NRXN3: variants seen among roughly 807,000 people sequenced by gnomAD.
The protein encoded by NRXN3 is neurexin 3, also known as neurexin III.
A neutral mutation model predicts 137.6 loss-of-function variants in NRXN3; 32 were observed. The observed-to-expected ratio is 0.23, with a 90% CI of 0.18 to 0.31. The LOEUF (loss-of-function observed/expected upper bound fraction) is 0.31, where lower values mean the gene tolerates loss of function less well. Ranked by LOEUF, NRXN3 falls within the 10% of genes least tolerant of loss-of-function variation. The pLI is 1.00. For missense variants in NRXN3, 1,574 were observed against 2,062.5 expected (o/e 0.76, Z 4.59); for synonymous variants, 798 against 784.5 (o/e 1.02, Z -0.29).
At chr14:79,139,060 T>A (rs539292510) in intron 15 of NRXN3, among the ~76,000 whole-genome samples, 1 of 152,336 alleles carries the variant, frequency 6.6e-6, no homozygotes, top group South Asian at 2.1e-4. Context: ...TTCATACTTT[T>A]TCACCTTCAA....
At chr14:78,345,169 AGCTGTTATATTT>A (rs913297614) in intron 4 of NRXN3, among the ~76,000 whole-genome samples, 8 of 152,152 alleles carry the variant, frequency 5.3e-5, no homozygotes, top group Non-Finnish European at 1.0e-4. Flanking sequence ...CTTGGGGGGC[AGCTGTTATATTT>A]GCTGCTTAGG....
At chr14:79,360,918 A>G (rs12889273) in intron 15 of NRXN3, among the ~76,000 whole-genome samples, 59,600 of 152,080 alleles carry the variant, frequency 0.39, 12,747 homozygotes, top group Admixed American at 0.5. Flanking sequence ...TAGTTGCTCA[A>G]TAAATGGTAG....
intron 16 of NRXN3, among the ~76,000 whole-genome samples, chr14:79,505,273 A>C (rs2096867320): frequency 6.6e-6 from 1 of 151,716 alleles, no homozygotes; most frequent in African/African-American, 2.4e-5. Context: ...GTTACAGTAG[A>C]CCCCAAACAT....
At chr14:79,634,758 C>T (rs1258837538) in intron 16 of NRXN3, among the ~76,000 whole-genome samples, 1 of 152,184 alleles carries the variant, frequency 6.6e-6, no homozygotes, top group Non-Finnish European at 1.5e-5. Context: ...CCAAACTTAA[C>T]AGCACCAATT....
intron 4 of NRXN3, among the ~76,000 whole-genome samples, chr14:78,375,815 A>G (rs746856357): frequency 1.3e-5 from 2 of 152,216 alleles, no homozygotes; most frequent in Non-Finnish European, 2.9e-5. Context: ...AGGTTCAAAG[A>G]AGGAAAACAG....
At chr14:79,058,500 T>A (rs184415169) in intron 15 of NRXN3, among the ~76,000 whole-genome samples, 1,726 of 152,032 alleles carry the variant, frequency 0.011, 31 homozygotes, top group African/African-American at 0.04. Context: ...ATATATATAT[T>A]TTTAATATTA....
At chr14:78,805,784 A>G (rs1046511492) in intron 9 of NRXN3, among the ~76,000 whole-genome samples, 2 of 152,048 alleles carry the variant, frequency 1.3e-5, no homozygotes, top group African/African-American at 2.4e-5. Flanking sequence ...TTTTTTCCCC[A>G]TTAGGTGTTG....
intron 15 of NRXN3, among the ~76,000 whole-genome samples, chr14:79,005,645 C>G (rs904697766): frequency 1.3e-5 from 2 of 152,184 alleles, no homozygotes; most frequent in African/African-American, 2.4e-5. Context: ...GGAAAACTCT[C>G]TTCCCCAACG....
intron 3 of NRXN3, among the ~76,000 whole-genome samples, chr14:78,282,852 G>T (rs1461289012): frequency 6.6e-6 from 1 of 152,208 alleles, no homozygotes; most frequent in African/African-American, 2.4e-5. Context: ...ACTTTTGTTT[G>T]TGGACACAGA....
At chr14:78,905,396 A>G (rs1244277775) in intron 10 of NRXN3, among the ~76,000 whole-genome samples, 1 of 152,116 alleles carries the variant, frequency 6.6e-6, no homozygotes, top group Non-Finnish European at 1.5e-5. Context: ...CCAACTGGAC[A>G]GTTAGTTTTT....
intron 15 of NRXN3, among the ~76,000 whole-genome samples, chr14:79,257,523 G>A (rs1002382384): frequency 1.3e-5 from 1 of 74,802 alleles, no homozygotes; most frequent in Non-Finnish European, 2.8e-5. Flanking sequence ...GATGGTGGTG[G>A]TGGTGGTGGT....
At chr14:79,680,682 C>T (rs1179646652) in intron 17 of NRXN3, among the ~76,000 whole-genome samples, 2 of 151,596 alleles carry the variant, frequency 1.3e-5, no homozygotes, top group African/African-American at 2.4e-5. Context: ...CCTGTTTGCT[C>T]AGAAAAAAAA....
chr14:79,150,642 C>T (rs2059713917), intron 15 of NRXN3, among the ~76,000 whole-genome samples: 2 of 151,548 alleles, frequency 1.3e-5, no homozygotes, highest in South Asian at 4.2e-4. Flanking sequence ...AGTAGGAGAT[C>T]CACCACATAA....
intron 4 of NRXN3, among the ~76,000 whole-genome samples, chr14:78,453,513 G>C (rs1015747449): frequency 6.6e-6 from 1 of 152,212 alleles, no homozygotes; most frequent in African/African-American, 2.4e-5. Flanking sequence ...CAACATAAGA[G>C]AGCATCCCAC....
chr14:79,757,730 A>T (rs1376975723), intron 19 of NRXN3, among the ~76,000 whole-genome samples: 1 of 152,138 alleles, frequency 6.6e-6, no homozygotes, highest in African/African-American at 2.4e-5. Context: ...CTTGGACATG[A>T]CCTTTCAGGA....
intron 15 of NRXN3, among the ~76,000 whole-genome samples, chr14:79,151,923 T>C (rs1426486478): frequency 6.6e-6 from 1 of 152,108 alleles, no homozygotes; most frequent in East Asian, 1.9e-4. Flanking sequence ...TACTATAACA[T>C]ATTTCCATGA....
At chr14:78,595,721 A>G (rs2097152863) in intron 4 of NRXN3, among the ~76,000 whole-genome samples, 1 of 152,212 alleles carries the variant, frequency 6.6e-6, no homozygotes, top group African/African-American at 2.4e-5. Context: ...TGTAAGAGAT[A>G]AGGCAACTCT....
intron 15 of NRXN3, among the ~76,000 whole-genome samples, chr14:79,242,164 C>T (rs541329300): frequency 6.6e-6 from 1 of 152,106 alleles, no homozygotes; most frequent in Non-Finnish European, 1.5e-5. Flanking sequence ...TCATAAAAGT[C>T]ATGTAACGTG....
At chr14:78,914,757 A>C (rs1367155009) in intron 10 of NRXN3, among the ~76,000 whole-genome samples, 2 of 152,172 alleles carry the variant, frequency 1.3e-5, no homozygotes, top group Non-Finnish European at 2.9e-5. Context: ...TTCTACTCTC[A>C]GGAATAACTG....
Sources: allele counts gnomAD v4.1 joint callset (sites outside exome capture counted in the v4.1 genomes callset), GRCh38; gene constraint gnomAD v4.1.1; transcripts MANE v1.5; gene names NCBI Gene and HGNC (gene_info 2026-07-23, HGNC 2026-07-21).